Variants in TRIM62 observed in about 807,000 individuals in gnomAD.
The protein encoded by TRIM62 is E3 ubiquitin-protein ligase TRIM62.
TRIM62 carries 39 observed loss-of-function variants against 44.2 expected under a neutral mutation model. The ratio of observed to expected loss-of-function variants is 0.88; its 90% CI spans 0.68 to 1.15. The LOEUF (loss-of-function observed/expected upper bound fraction) is 1.15. TRIM62 is among the 50% of genes most tolerant of loss of function. The pLI, the probability that TRIM62 is intolerant of heterozygous loss-of-function variation, is 0.00. For synonymous variants in TRIM62, 278 were observed against 292.3 expected, an observed-to-expected ratio of 0.95 and a Z score of 0.50; for missense variants, 544 against 665.5, an observed-to-expected ratio of 0.82 and a Z score of 2.01.
Position 33,167,696 on chromosome 1 carries a change from C to T in TRIM62, c.409-2130G>A, listed in dbSNP as rs890300108. ...GAGCAGTGCCAGGAAGGCTGACTTACCTGTTCACATCCACCTCCCTCCCAC... is the reference window on the plus strand; with the variant it reads ...GAGCAGTGCCAGGAAGGCTGACTTATCTGTTCACATCCACCTCCCTCCCAC... On this transcript the variant is annotated intron_variant, in intron 1 of 4. Coordinates refer to ENST00000291416, the MANE Select transcript of TRIM62 (RefSeq NM_018207.3). The surrounding 1 kb of genome is among the most constrained non-coding windows in gnomAD (Gnocchi z 4.2). Among the ~76,000 whole-genome samples the T allele has an allele frequency of 1.3e-5, 2 of 152,196 alleles. No individual in the cohort carries two copies. Among genetic ancestry groups the T allele is most frequent in the Non-Finnish European group, 2.9e-5 (2 of 68,030 alleles).
intron 1 of TRIM62, among the ~76,000 whole-genome samples, chr1:33,170,948 G>A (rs1440769466): frequency 6.6e-6 from 1 of 152,218 alleles, no homozygotes; most frequent in Non-Finnish European, 1.5e-5. Context: ...GAGACAGAGC[G>A]GTCACTGTGT....
In TRIM62 at chr1:33,147,413, T is replaced by C. The variant is rs1483592827; in HGVS notation, c.1192A>G (p.Ser398Gly). Residue 398 changes from serine (S) to glycine (G), a missense_variant, in exon 5 of 5, where the codon AGC (serine) becomes GGC (glycine). Ser to Gly is a moderately conservative substitution (Grantham distance 56, BLOSUM62 0). Transcript: ENST00000291416. This position sits in a 1 kb window ranked among gnomAD's most constrained non-coding sequence, Gnocchi z 8.1. ...CGCGTCCAGGGCTCCGTGCAGGCGC[T>C]GTACTGGTTGCCATCGTGCATCACG... ...CIVMHDGNQY[S>G]ACTEPWTRLN... 6.2e-7 allele frequency: 1 copy of C among 1,614,114 alleles called. No homozygotes were observed. The highest frequency in any genetic ancestry group is 8.5e-7 in the Non-Finnish European group (1 of 1,180,024).
chr1:33,170,378 G>A (rs910062703), intron 1 of TRIM62, among the ~76,000 whole-genome samples: 1 of 151,540 alleles, frequency 6.6e-6, no homozygotes. Flanking sequence ...GTGACAGAGC[G>A]AGACCCCATC....
At chr1:33,153,424 G>T (rs1352714705) in intron 4 of TRIM62, among the ~76,000 whole-genome samples, 2 of 152,228 alleles carry the variant, frequency 1.3e-5, no homozygotes, top group African/African-American at 4.8e-5. Flanking sequence ...TTGCTTCCCA[G>T]GGACATCTGG....
intron 1 of TRIM62, among the ~76,000 whole-genome samples, chr1:33,173,683 T>C (rs1425343718): frequency 2.0e-5 from 3 of 151,686 alleles, no homozygotes; most frequent in Admixed American, 6.6e-5. Flanking sequence ...TCTTTCTTTT[T>C]TTTTTTTTTC....
chr1:33,180,001 T>A (rs1391733799), intron 1 of TRIM62, among the ~76,000 whole-genome samples: 4 of 152,180 alleles, frequency 2.6e-5, no homozygotes, highest in Non-Finnish European at 5.9e-5. Flanking sequence ...TGTTTGTTTG[T>A]TTGTTTGTTT....
intron 4 of TRIM62, among the ~76,000 whole-genome samples, chr1:33,149,458 T>TA (rs71278764): frequency 0.031 from 4,518 of 146,686 alleles, 169 homozygotes; most frequent in African/African-American, 0.09. Flanking sequence ...TGGATTCTTT[T>TA]AAAAAAAAAA....
At chr1:33,172,248 A>C (rs1043104855) in intron 1 of TRIM62, among the ~76,000 whole-genome samples, 1 of 152,080 alleles carries the variant, frequency 6.6e-6, no homozygotes, top group African/African-American at 2.4e-5. Flanking sequence ...GAACGGGGGG[A>C]GCTTCAAGGA....
intron 3 of TRIM62, among the ~76,000 whole-genome samples, chr1:33,158,960 C>T (rs1570310933): frequency 6.6e-6 from 1 of 152,060 alleles, no homozygotes; most frequent in East Asian, 1.9e-4. Context: ...CCTGCCTCAG[C>T]CTCCTGAATA....
chr1:33,169,697 A>G (rs1645357965), intron 1 of TRIM62, among the ~76,000 whole-genome samples: 2 of 152,224 alleles, frequency 1.3e-5, no homozygotes, highest in Non-Finnish European at 2.9e-5. Flanking sequence ...ACACGTGGCT[A>G]TTTAAATTGC....
intron 4 of TRIM62, among the ~76,000 whole-genome samples, chr1:33,150,707 G>A (rs191714768): frequency 2.0e-3 from 306 of 152,286 alleles, no homozygotes; most frequent in African/African-American, 7.1e-3. Context: ...GTGGAATGTG[G>A]GCAATTCCCA....
In TRIM62 at chr1:33,165,655, C is replaced by A; in HGVS notation, c.409-89G>T. Reference sequence around the variant, plus strand: ...ACCACTGCCAGGCGCTGGGGGTTAGCCTGGTCTCTGTCCCCAACCTCCAAC... The same window carrying A: ...ACCACTGCCAGGCGCTGGGGGTTAGACTGGTCTCTGTCCCCAACCTCCAAC... On this transcript the variant is annotated intron_variant, in intron 1 of 4. Transcript: ENST00000291416. The surrounding 1 kb of genome is among the most constrained non-coding windows in gnomAD (Gnocchi z 4.0). 2 of 1,184,780 alleles carry A rather than the reference C, an allele frequency of 1.7e-6. No individual in the cohort carries two copies. Among genetic ancestry groups the A allele is most frequent in the East Asian group, 2.9e-5 (1 of 34,822 alleles). The allele number at this position is 1,184,780 out of a possible 1,614,324, so 73.4% of individuals were successfully genotyped here.
At chr1:33,154,800 A>C (rs942416795) in intron 4 of TRIM62, among the ~76,000 whole-genome samples, 2 of 127,734 alleles carry the variant, frequency 1.6e-5, no homozygotes. Flanking sequence ...TCCGTATCCA[A>C]AAAAAAAAAG....
chr1:33,154,281 T>C (rs970690589), intron 4 of TRIM62, among the ~76,000 whole-genome samples: 6 of 151,554 alleles, frequency 4.0e-5, no homozygotes, highest in Non-Finnish European at 7.4e-5. Flanking sequence ...CCCTCCCCAG[T>C]CACTGACCCA....
chr1:33,174,878 C>T (rs187243289), intron 1 of TRIM62, among the ~76,000 whole-genome samples: 23 of 150,778 alleles, frequency 1.5e-4, no homozygotes, highest in African/African-American at 5.7e-4. Context: ...GGCACAGATA[C>T]TGGCTAAAGA....
chr1:33,146,793 T>C lies in TRIM62; in HGVS notation c.*384A>G. 1 of 277,226 alleles carries C rather than the reference T, an allele frequency of 3.6e-6. No individual in the cohort carries two copies. The highest frequency in any genetic ancestry group is 7.0e-6 in the Non-Finnish European group (1 of 143,348). The allele number at this position is 277,226 out of a possible 1,614,324, so 17.2% of individuals were successfully genotyped here. A position where few individuals can be genotyped will look rare whatever the true frequency, so the allele number is the denominator to read the frequency against. On this transcript the variant is annotated 3_prime_UTR_variant, in exon 5 of 5. Coordinates refer to ENST00000291416, the MANE Select transcript of TRIM62 (RefSeq NM_018207.3). ...GGGACATAAGAGGGTGCTGTGTGTC[T>C]TTCGGGCTGCCAACTACTGGCCATG...
At position 33,147,000 on chromosome 1, in the gene TRIM62, A is replaced by G. The variant is rs577927149; in HGVS notation, c.*177T>C. The G allele has an allele frequency of 2.7e-4, 174 of 639,022 alleles. 1 individual carries two copies. In the South Asian group the frequency reaches 3.2e-3, roughly 12 times the overall value. 39.6% of individuals were successfully genotyped at this position (639,022 alleles called of 1,614,324 possible). ...AGCTACAGAACATCGATGCTGGAAGAGAGTTTAGGAAGTAGGGAATGCAAC... is the reference window on the plus strand; with the variant it reads ...AGCTACAGAACATCGATGCTGGAAGGGAGTTTAGGAAGTAGGGAATGCAAC... On this transcript the variant is annotated 3_prime_UTR_variant, in exon 5 of 5. Transcript: ENST00000291416.
At position 33,161,207 on chromosome 1, in the gene TRIM62, T is replaced by C. The variant is rs964527749; in HGVS notation, c.505-1263A>G. ...TGAAGACTGCAATTCTAATAAGCGT[T>C]TCCCGGAAGTCTTCATTGAGAGACG... On this transcript the variant is annotated intron_variant, in intron 2 of 4. Coordinates refer to ENST00000291416, the MANE Select transcript of TRIM62 (RefSeq NM_018207.3). This position sits in a 1 kb window ranked among gnomAD's most constrained non-coding sequence, Gnocchi z 4.3. 1.3e-5 allele frequency among the ~76,000 whole-genome samples: 2 copies of C among 152,214 alleles called. No homozygotes were observed. Among genetic ancestry groups the C allele is most frequent in the African/African-American group, 2.4e-5 (1 of 41,452 alleles).
intron 1 of TRIM62, among the ~76,000 whole-genome samples, chr1:33,173,553 A>G (rs535402165): frequency 6.6e-6 from 1 of 152,024 alleles, no homozygotes; most frequent in African/African-American, 2.4e-5. Context: ...TCTAGCCACA[A>G]CGAACCACCT....
Sources: allele counts gnomAD v4.1 joint callset (sites outside exome capture counted in the v4.1 genomes callset), GRCh38; gene constraint gnomAD v4.1.1; non-coding constraint Gnocchi (gnomAD v3.1); transcripts MANE v1.5; gene names NCBI Gene and HGNC (gene_info 2026-07-23, HGNC 2026-07-21).